Variants in RAB13 observed in about 807,000 individuals in gnomAD.
The protein encoded by RAB13 is ras-related protein Rab-13.
In RAB13, 15 loss-of-function variants were observed where a neutral mutation model predicts 29.3. That is an observed-to-expected ratio of 0.51 (90% CI 0.34 to 0.79). RAB13 has a LOEUF of 0.79. RAB13 is among the 30% of genes least tolerant of loss of function. The pLI is 0.01. For missense variants in RAB13, 186 were observed against 255.5 expected (o/e 0.73, Z 1.85); for synonymous variants, 82 against 93.8 (o/e 0.87, Z 0.73).
upstream of RAB13, among the ~76,000 whole-genome samples, chr1:153,987,011 G>A (rs1332454884): frequency 6.6e-6 from 1 of 152,148 alleles, no homozygotes; most frequent in Non-Finnish European, 1.5e-5. Flanking sequence ...CAGTTGGAAC[G>A]ATCTCTCTTA....
At chr1:153,986,845 C>T (rs968988401), upstream of RAB13, among the ~76,000 whole-genome samples, 6 of 152,118 alleles carry the variant, frequency 3.9e-5, no homozygotes, top group Admixed American at 1.3e-4. Flanking sequence ...TTCTATGGGT[C>T]CCAATTCACT....
chr1:153,990,605 G>A (rs532867793), upstream of RAB13: 3 of 653,436 alleles, frequency 4.6e-6, no homozygotes, highest in Non-Finnish European at 8.3e-6. Context: ...ACGCATATGT[G>A]TCACAACTAA....
rs777631292 is a variant in RAB13, at chr1:153,982,574, A to C, written c.441T>G (p.Phe147Leu). 4 of 1,613,856 alleles carry C rather than the reference A, an allele frequency of 2.5e-6. No individual in the cohort carries two copies. Among genetic ancestry groups the C allele is most frequent in the Non-Finnish European group, 3.4e-6 (4 of 1,179,892 alleles). Residue 147 changes from phenylalanine (F) to leucine (L), a missense_variant, in exon 6 of 8, where the codon TTT becomes TTG. By Grantham distance (22) the Phe-to-Leu change is conservative. Coordinates refer to ENST00000368575, the MANE Select transcript of RAB13 (RefSeq NM_002870.5). ...DKLAREHGIR[F>L]FETSAKSSMN... ...TACTGGATTTAGCACTAGTTTCGAAAAATCGGATTCCATGCTCTCGAGCCA... is the reference window on the plus strand; with the variant it reads ...TACTGGATTTAGCACTAGTTTCGAACAATCGGATTCCATGCTCTCGAGCCA...
intron 2 of RAB13, among the ~76,000 whole-genome samples, chr1:153,983,858 CAT>C (rs1649072759): frequency 6.6e-6 from 1 of 152,064 alleles, no homozygotes; most frequent in South Asian, 2.1e-4. Flanking sequence ...CCTTGTAAGA[CAT>C]GTATTATTGT....
chr1:153,982,468 T>C lies in RAB13; in HGVS notation c.481-24A>G, dbSNP rs760063487. 10 of 1,611,958 alleles carry C rather than the reference T, an allele frequency of 6.2e-6. No homozygotes were observed. The South Asian group carries it at 1.1e-4, about 18-fold the overall frequency. On this transcript the variant is annotated intron_variant, in intron 6 of 7. Transcript: ENST00000368575. ...GCCTAAAGTGGGGAACAGAGTCAGT[T>C]TGGAGGGAGGAGAATCTACCTTCTA...
At chr1:153,982,691 C>T (rs1208864190) in intron 5 of RAB13, 28 bp downstream of exon 5, 4 of 1,613,684 alleles carry the variant, frequency 2.5e-6, no homozygotes, top group Non-Finnish European at 3.4e-6. Flanking sequence ...CAGCCCAGTT[C>T]TAGAACATTG....
chr1:153,985,307 G>T, intron 1 of RAB13: 1 of 984,780 alleles, frequency 1.0e-6, no homozygotes, highest in Non-Finnish European at 1.2e-6. Context: ...AGGAAAGAGG[G>T]GCATTTTTCC....
At chr1:153,987,875 G>A (rs1456122429), upstream of RAB13, among the ~76,000 whole-genome samples, 1 of 151,428 alleles carries the variant, frequency 6.6e-6, no homozygotes. Context: ...CAGAACACTT[G>A]AGCCCAAGAG....
upstream of RAB13, among the ~76,000 whole-genome samples, chr1:153,988,812 A>C (rs1649261848): frequency 6.8e-6 from 1 of 147,820 alleles, no homozygotes; most frequent in Non-Finnish European, 1.5e-5. Context: ...AGCTTTCTCC[A>C]TGTTGGTCAG....
At chr1:153,989,231 A>G (rs991380879), upstream of RAB13, among the ~76,000 whole-genome samples, 1 of 126,798 alleles carries the variant, frequency 7.9e-6, no homozygotes, top group African/African-American at 2.9e-5. Context: ...CGCGACCGGC[A>G]AAGAAAAAAT....
chr1:153,985,105 T>A (rs919276426), intron 1 of RAB13: 1 of 1,080,764 alleles, frequency 9.3e-7, no homozygotes, highest in African/African-American at 1.7e-5. Context: ...TCAGTCTCTG[T>A]CTCCCCCCAG....
rs916766598 is a variant in RAB13, at chr1:153,982,515, G to A, written c.480+20C>T. On this transcript the variant is annotated intron_variant, in intron 6 of 7. Transcript: ENST00000368575. ...TCTAATACTTCCTCTCTTGGTCGGG[G>A]ATGGGGGTGTGGATCTCACCTCATC... The A allele has an allele frequency of 1.2e-6, 2 of 1,610,554 alleles. No individual in the cohort carries two copies. The highest frequency in any genetic ancestry group is 1.3e-5 in the African/African-American group (1 of 74,834).
At chr1:153,984,613 T>TCTAGAAGTG in intron 2 of RAB13, 108 bp downstream of exon 2, 1 of 997,894 alleles carries the variant, frequency 1.0e-6, no homozygotes, top group Non-Finnish European at 1.5e-6. Flanking sequence ...TTCTAGCACT[T>TCTAGAAGTG]CTAGAAGGAG....
chr1:153,987,774 C>CCA (rs1557893767), upstream of RAB13, among the ~76,000 whole-genome samples: 1 of 54,316 alleles, frequency 1.8e-5, no homozygotes, highest in Non-Finnish European at 3.4e-5. Context: ...ACTGCTTCGA[C>CCA]AAAAAAAAAA....
At chr1:153,987,528 A>AAAGAAAAAG (rs1553215353), upstream of RAB13, among the ~76,000 whole-genome samples, 4 of 127,488 alleles carry the variant, frequency 3.1e-5, no homozygotes, top group Admixed American at 9.5e-5. Context: ...AAAAAAAAAA[A>AAAGAAAAAG]AAAGAAAGAA....
upstream of RAB13, chr1:153,990,675 T>C: frequency 7.3e-7 from 1 of 1,365,200 alleles, no homozygotes; most frequent in South Asian, 1.2e-5. Flanking sequence ...CGGATCAAAG[T>C]AAGACGTTCC....
At position 153,985,982 on chromosome 1, in the gene RAB13, C is replaced by T. The variant is rs1649154605; in HGVS notation, c.124+131G>A. The T allele has an allele frequency of 1.2e-5, 17 of 1,463,424 alleles. No individual in the cohort carries two copies. In the South Asian group the frequency reaches 2.3e-4, roughly 20 times the overall value. The allele number at this position is 1,463,424 out of a possible 1,614,324, so 90.7% of individuals were successfully genotyped here. On this transcript the variant is annotated intron_variant, in intron 1 of 7. Coordinates refer to ENST00000368575, the MANE Select transcript of RAB13 (RefSeq NM_002870.5). ...GACATGCACGGGGGAAGGGTCAGAG[C>T]CAGGGGTTGAGGGACTAGAATTTAG...
chr1:153,985,110 C>T, intron 1 of RAB13: 2 of 1,070,552 alleles, frequency 1.9e-6, no homozygotes, highest in Non-Finnish European at 2.3e-6. Flanking sequence ...CTCTGTCTCC[C>T]CCCAGATATT....
At chr1:153,986,429 CAGGCCA>C, upstream of RAB13, 1 of 557,690 alleles carries the variant, frequency 1.8e-6, no homozygotes, top group East Asian at 3.0e-5. Flanking sequence ...CCCTTTTGAG[CAGGCCA>C]AGGCTGCCAG....
Sources: allele counts gnomAD v4.1 joint callset (sites outside exome capture counted in the v4.1 genomes callset), GRCh38; gene constraint gnomAD v4.1.1; transcripts MANE v1.5; gene names NCBI Gene and HGNC (gene_info 2026-07-23, HGNC 2026-07-21).